Variants in DNAH5 observed in about 807,000 individuals in gnomAD.
DNAH5 encodes axonemal beta dynein heavy chain 5.
Under a neutral mutation model 518.2 loss-of-function variants are expected in DNAH5, and 372 were observed. The ratio of observed to expected loss-of-function variants is 0.72; its 90% CI spans 0.66 to 0.78. The LOEUF (loss-of-function observed/expected upper bound fraction) is 0.78. DNAH5 is among the 30% of genes least tolerant of loss of function. DNAH5 has a pLI of 0.00. For synonymous variants in DNAH5, 2,039 were observed against 2,025.9 expected, an observed-to-expected ratio of 1.01 and a Z score of -0.17; for missense variants, 5,523 against 5,687.0, an observed-to-expected ratio of 0.97 and a Z score of 0.93.
chr5:13,796,375 C>T (rs1055839298), intron 47 of DNAH5, among the ~76,000 whole-genome samples: 2 of 152,054 alleles, frequency 1.3e-5, no homozygotes, highest in Admixed American at 1.3e-4. Context: ...AAGCAATGTG[C>T]GAAAATCACA....
intron 19 of DNAH5, 85 bp downstream of exon 19, chr5:13,884,904 G>A (rs959790057): frequency 1.7e-5 from 26 of 1,555,950 alleles, no homozygotes; most frequent in East Asian, 2.4e-5. Context: ...GTACATGCAC[G>A]TGCACACGTG....
At chr5:13,815,649 G>A (rs766901021) in intron 42 of DNAH5, among the ~76,000 whole-genome samples, 4 of 152,124 alleles carry the variant, frequency 2.6e-5, no homozygotes, top group South Asian at 2.1e-4. Flanking sequence ...AGGTGATCAC[G>A]TTCCAGGAAC....
At chr5:13,935,949 G>A (rs1580966998) in intron 1 of DNAH5, among the ~76,000 whole-genome samples, 1 of 152,324 alleles carries the variant, frequency 6.6e-6, no homozygotes, top group South Asian at 2.1e-4. Flanking sequence ...GTGAATAGGG[G>A]TGGGGAACAT....
chr5:13,813,964 T>C (rs1366139793), intron 43 of DNAH5, among the ~76,000 whole-genome samples: 3 of 152,162 alleles, frequency 2.0e-5, no homozygotes, highest in Admixed American at 2.0e-4. Flanking sequence ...TTCATGTGGC[T>C]TATCTAATAA....
intron 78 of DNAH5, among the ~76,000 whole-genome samples, chr5:13,696,538 A>C (rs1415453806): frequency 2.0e-5 from 3 of 152,222 alleles, no homozygotes; most frequent in Non-Finnish European, 4.4e-5. Context: ...TCTATATTTT[A>C]ATGATTATTT....
intron 55 of DNAH5, among the ~76,000 whole-genome samples, chr5:13,772,063 G>A (rs1753416361): frequency 6.6e-6 from 1 of 152,134 alleles, no homozygotes; most frequent in Admixed American, 6.5e-5. Context: ...TCTCATATAA[G>A]TTAGCCAACC....
At position 13,691,124 on chromosome 5, in the gene DNAH5, A is replaced by AT. The variant is rs753667496; in HGVS notation, c.*859dup. On this transcript the variant is annotated 3_prime_UTR_variant, in exon 79 of 79. Transcript: ENST00000265104. ...ATAGCCTGACTATTGAATATTTATGATTTTTCCATTTTTTTCTGTTATTAA... is the reference window on the plus strand; with the variant it reads ...ATAGCCTGACTATTGAATATTTATGATTTTTTCCATTTTTTTCTGTTATTAA... 1 of 152,000 alleles carries AT rather than the reference A, an allele frequency of 6.6e-6. No homozygotes were observed. Among genetic ancestry groups the AT allele is most frequent in the Non-Finnish European group, 1.5e-5 (1 of 67,986 alleles). The allele number at this position is 152,000 out of a possible 1,614,324, so 9.4% of individuals were successfully genotyped here.
At chr5:13,829,984 T>A in intron 37 of DNAH5, 42 bp downstream of exon 37, 1 of 1,573,032 alleles carries the variant, frequency 6.4e-7, no homozygotes, top group Non-Finnish European at 8.7e-7. Flanking sequence ...AAAATTGTGA[T>A]AAGAAGGCTG....
chr5:13,719,247 A>G (rs1312881965), intron 71 of DNAH5, 146 bp from the exon 72 acceptor site: 1 of 746,184 alleles, frequency 1.3e-6, no homozygotes, highest in Non-Finnish European at 2.3e-6. Flanking sequence ...TAAGAAAACA[A>G]AAATGTTTAA....
chr5:13,853,492 C>A (rs376119875), intron 30 of DNAH5, among the ~76,000 whole-genome samples: 19 of 152,058 alleles, frequency 1.2e-4, no homozygotes, highest in African/African-American at 4.6e-4. Flanking sequence ...TCCTCGCCAG[C>A]AAGGGAACAA....
chr5:13,892,812 T>G (rs1773448803), intron 16 of DNAH5, among the ~76,000 whole-genome samples: 1 of 152,200 alleles, frequency 6.6e-6, no homozygotes, highest in Admixed American at 6.5e-5. Context: ...TTTTATTTCC[T>G]GGGGAGGCGT....
intron 24 of DNAH5, among the ~76,000 whole-genome samples, chr5:13,868,493 C>G (rs550967629): frequency 6.6e-6 from 1 of 152,270 alleles, no homozygotes; most frequent in East Asian, 1.9e-4. Context: ...CCAAGTCATT[C>G]CCTTCAGCAT....
chr5:13,820,281 G>T, intron 41 of DNAH5, 65 bp downstream of exon 41: 1 of 1,540,592 alleles, frequency 6.5e-7, no homozygotes, highest in Non-Finnish European at 8.9e-7. Context: ...TCCCTCTTGG[G>T]CATTCAAATG....
chr5:13,963,308 T>C (rs2152049046), intron 1 of DNAH5, among the ~76,000 whole-genome samples: 1 of 152,266 alleles, frequency 6.6e-6, no homozygotes, highest in South Asian at 2.1e-4. Context: ...TCGGAAGCGG[T>C]GGCTCACGCC....
intron 1 of DNAH5, among the ~76,000 whole-genome samples, chr5:13,966,463 T>C (rs1191712052): frequency 6.6e-6 from 1 of 152,264 alleles, no homozygotes; most frequent in Non-Finnish European, 1.5e-5. Flanking sequence ...GTGGTTGTAC[T>C]AGTTTACATT....
At chr5:13,918,779 T>C (rs1449789573) in intron 7 of DNAH5, among the ~76,000 whole-genome samples, 1 of 152,178 alleles carries the variant, frequency 6.6e-6, no homozygotes, top group African/African-American at 2.4e-5. Context: ...ATTGACTGTT[T>C]TAAGCTGCTA....
chr5:13,877,239 C>T lies in DNAH5; in HGVS notation c.3263-422G>A, dbSNP rs564314397. On this transcript the variant is annotated intron_variant, in intron 21 of 78. Transcript: ENST00000265104. The stretch of plus-strand genomic sequence containing the variant: ...GCTCCTTAGGGAGCTCCATAGAATT[C>T]TCACTCTTTGAGCTGTCTGGGAGCT... Among the ~76,000 whole-genome samples the T allele has an allele frequency of 3.3e-5, 5 of 152,262 alleles. No individual in the cohort carries two copies. In the East Asian group the frequency reaches 5.8e-4, roughly 18 times the overall value.
chr5:13,759,073 T>C (rs1221575622), intron 60 of DNAH5, 90 bp from the exon 61 acceptor site: 62 of 1,550,518 alleles, frequency 4.0e-5, no homozygotes, highest in Non-Finnish European at 5.0e-5. Context: ...TAACGTCACA[T>C]GTTTATACCT....
At chr5:13,959,698 T>C (rs749767108) in intron 1 of DNAH5, among the ~76,000 whole-genome samples, 138 of 152,294 alleles carry the variant, frequency 9.1e-4, no homozygotes, top group Non-Finnish European at 1.6e-3. Context: ...CTGGGTGTGG[T>C]GGCTCACACC....
Sources: gnomAD v4.1 joint callset for allele counts (sites outside exome capture counted in the v4.1 genomes callset) on GRCh38, gnomAD v4.1.1 for gene constraint, MANE v1.5 for transcripts, NCBI Gene and HGNC (gene_info 2026-07-23, HGNC 2026-07-21) for gene names.